Variants in OCA2 observed in about 807,000 individuals in gnomAD.
OCA2 encodes the protein OCA2 melanosomal transmembrane protein.
Under a neutral mutation model 100.2 loss-of-function variants are expected in OCA2, and 77 were observed. The observed-to-expected ratio is 0.77, with a 90% confidence interval of 0.64 to 0.93. The LOEUF (loss-of-function observed/expected upper bound fraction) is 0.93, where lower values mean the gene tolerates loss of function less well. Ranked by LOEUF, OCA2 falls within the 40% of genes least tolerant of loss-of-function variation. The probability of loss-of-function intolerance (pLI) is 0.00; values close to 1 mark genes in which losing one functional copy is unlikely to be tolerated. For missense variants in OCA2, 1,062 were observed against 1,089.1 expected, an observed-to-expected ratio of 0.98 and a Z score of 0.35; for synonymous variants, 432 against 439.2, an observed-to-expected ratio of 0.98 and a Z score of 0.21.
intron 19 of OCA2, among the ~76,000 whole-genome samples, chr15:27,887,453 C>A (rs974798635): frequency 1.3e-5 from 2 of 151,502 alleles, no homozygotes; most frequent in African/African-American, 4.9e-5. Context: ...CAAAGGTAAC[C>A]ATGGGGGGCA....
chr15:27,868,551 G>A (rs1041314631), intron 21 of OCA2, among the ~76,000 whole-genome samples: 19 of 152,248 alleles, frequency 1.2e-4, no homozygotes, highest in South Asian at 2.1e-4. Context: ...AATGGTGGCT[G>A]TCGGGGGTGG....
chr15:28,085,869 G>A (rs1047890725), intron 1 of OCA2, among the ~76,000 whole-genome samples: 1 of 152,174 alleles, frequency 6.6e-6, no homozygotes, highest in Non-Finnish European at 1.5e-5. Context: ...CCTGCCCCCA[G>A]CCAAAGGACC....
At chr15:27,764,812 A>G (rs1469723607) in intron 23 of OCA2, among the ~76,000 whole-genome samples, 1 of 152,230 alleles carries the variant, frequency 6.6e-6, no homozygotes, top group Admixed American at 6.5e-5. Context: ...CTTGCCCAAG[A>G]AAAAACTTGA....
intron 23 of OCA2, among the ~76,000 whole-genome samples, chr15:27,822,110 T>G (rs1164632306): frequency 6.6e-6 from 1 of 152,114 alleles, no homozygotes; most frequent in Non-Finnish European, 1.5e-5. Flanking sequence ...CTATCATACC[T>G]GTACATCAAT....
At chr15:27,869,864 G>A (rs78451871) in intron 21 of OCA2, among the ~76,000 whole-genome samples, 3 of 152,192 alleles carry the variant, frequency 2.0e-5, no homozygotes, top group African/African-American at 4.8e-5. Flanking sequence ...TGCCTGGGGC[G>A]CAGGGAGAGG....
intron 23 of OCA2, among the ~76,000 whole-genome samples, chr15:27,775,063 C>CGTGCGTGT (rs1555404291): frequency 7.0e-6 from 1 of 142,938 alleles, no homozygotes; most frequent in Non-Finnish European, 1.5e-5. Context: ...TTTTAGAACT[C>CGTGCGTGT]GTGTGTGTGT....
At chr15:28,001,748 C>T (rs990706042) in intron 9 of OCA2, among the ~76,000 whole-genome samples, 3 of 152,208 alleles carry the variant, frequency 2.0e-5, no homozygotes, top group Admixed American at 1.3e-4. Flanking sequence ...ACAGCACTGC[C>T]CCCAGGGAGC....
At chr15:27,992,375 T>C (rs12911960) in intron 9 of OCA2, among the ~76,000 whole-genome samples, 91,978 of 152,106 alleles carry the variant, frequency 0.6, 31,920 homozygotes, top group Non-Finnish European at 0.79. Context: ...GCTGGGATTA[T>C]AGGCATGAGC....
At chr15:27,851,855 G>C (rs2035764928) in intron 21 of OCA2, among the ~76,000 whole-genome samples, 1 of 152,104 alleles carries the variant, frequency 6.6e-6, no homozygotes, top group Admixed American at 6.6e-5. Flanking sequence ...CATCCCTCAA[G>C]TGTGCTGTTA....
intron 2 of OCA2, 120 bp from the exon 3 acceptor site, chr15:28,032,283 T>C: frequency 2.4e-6 from 2 of 835,958 alleles, no homozygotes; most frequent in Non-Finnish European, 4.1e-6. Flanking sequence ...TACAAGGAAA[T>C]TTGCCTAAGG....
At chr15:27,938,028 T>C (rs531980028) in intron 18 of OCA2, among the ~76,000 whole-genome samples, 1 of 152,354 alleles carries the variant, frequency 6.6e-6, no homozygotes, top group African/African-American at 2.4e-5. Context: ...CCCTAGTGAT[T>C]GCATGTTATG....
chr15:28,016,116 T>C lies in OCA2; in HGVS notation c.878A>G (p.Glu293Gly), dbSNP rs780995523. The C allele has an allele frequency of 4.3e-6, 7 of 1,614,060 alleles. No individual in the cohort carries two copies. Among genetic ancestry groups the C allele is most frequent in the Non-Finnish European group, 5.9e-6 (7 of 1,179,942 alleles). ...ACTGAGAACTCACCTGGTCAGTACC[T>C]CAAAGGTCCTGCTCATCACTGAGTG... ...SEHSVMSRTF[E>G]VLTRETVSIS... Residue 293 changes from glutamate (E) to glycine (G), a missense_variant, in exon 8 of 24, where the codon GAG becomes GGG. Transcript: ENST00000354638.
At chr15:27,821,240 C>T (rs1219096250) in intron 23 of OCA2, among the ~76,000 whole-genome samples, 1 of 152,180 alleles carries the variant, frequency 6.6e-6, no homozygotes, top group Non-Finnish European at 1.5e-5. Context: ...ATTTTACCCA[C>T]AGTGAGTAAG....
At position 27,952,719 on chromosome 15, in the gene OCA2, C is replaced by A. The variant is rs540605864; in HGVS notation, c.1843-827G>T. Among the ~76,000 whole-genome samples, 173 of 151,934 alleles carry A rather than the reference C, an allele frequency of 1.1e-3. 1 individual carries two copies. The Middle Eastern group carries it at 0.024, about 21-fold the overall frequency. ...TTTTTGAGACAGTCTCACTCTATCACCCAGGCTGGAGTGCAGTGGCACAGT... is the reference window on the plus strand; with the variant it reads ...TTTTTGAGACAGTCTCACTCTATCAACCAGGCTGGAGTGCAGTGGCACAGT... On this transcript the variant is annotated intron_variant, in intron 17 of 23. Transcript: ENST00000354638.
At chr15:27,940,206 C>T (rs900362072) in intron 18 of OCA2, among the ~76,000 whole-genome samples, 2 of 152,240 alleles carry the variant, frequency 1.3e-5, no homozygotes, top group Non-Finnish European at 2.9e-5. Context: ...TTCTAAAGTA[C>T]CAGATAAAAC....
chr15:27,910,316 T>C (rs1400702143), intron 19 of OCA2, among the ~76,000 whole-genome samples: 1 of 152,200 alleles, frequency 6.6e-6, no homozygotes, highest in African/African-American at 2.4e-5. Flanking sequence ...CACTTACCTT[T>C]GACTCTGTGA....
At chr15:27,818,817 CAG>C (rs2034401964) in intron 23 of OCA2, among the ~76,000 whole-genome samples, 1 of 152,206 alleles carries the variant, frequency 6.6e-6, no homozygotes, top group South Asian at 2.1e-4. Context: ...CCTTGAAATA[CAG>C]AGATATGTCC....
At chr15:27,981,005 G>T (rs2041143130) in intron 14 of OCA2, among the ~76,000 whole-genome samples, 1 of 152,120 alleles carries the variant, frequency 6.6e-6, no homozygotes, top group South Asian at 2.1e-4. Flanking sequence ...CATATGTTAG[G>T]CCACTTGAAA....
At chr15:27,938,357 C>G (rs2039531038) in intron 18 of OCA2, among the ~76,000 whole-genome samples, 1 of 152,218 alleles carries the variant, frequency 6.6e-6, no homozygotes, top group Non-Finnish European at 1.5e-5. Flanking sequence ...CACCAGGCGG[C>G]ATTCTAGCCC....
Sources: allele counts gnomAD v4.1 joint callset (sites outside exome capture counted in the v4.1 genomes callset), GRCh38; gene constraint gnomAD v4.1.1; transcripts MANE v1.5; gene names NCBI Gene and HGNC (gene_info 2026-07-23, HGNC 2026-07-21).